Variants in FRMD4B observed in about 807,000 individuals in gnomAD.
FRMD4B encodes the protein FERM domain-containing protein 4B.
A neutral mutation model predicts 141.5 loss-of-function variants in FRMD4B; 74 were observed. The ratio of observed to expected loss-of-function variants is 0.52; its 90% CI spans 0.43 to 0.63. The LOEUF is 0.63. FRMD4B is among the 30% of genes least tolerant of loss of function. The pLI, the probability that FRMD4B is intolerant of heterozygous loss-of-function variation, is 0.00. For synonymous variants in FRMD4B, 506 were observed against 467.9 expected, an observed-to-expected ratio of 1.08 and a Z score of -1.05; for missense variants, 1,366 against 1,253.4, an observed-to-expected ratio of 1.09 and a Z score of -1.36.
chr3:69,282,288 G>T (rs946797175), intron 5 of FRMD4B, among the ~76,000 whole-genome samples: 1 of 152,118 alleles, frequency 6.6e-6, no homozygotes. Flanking sequence ...ATGTGTGTAG[G>T]GTGTGATCAG....
intron 1 of FRMD4B, among the ~76,000 whole-genome samples, chr3:69,355,625 G>A (rs1312559486): frequency 6.6e-6 from 1 of 152,136 alleles, no homozygotes; most frequent in Non-Finnish European, 1.5e-5. Context: ...AGGAGGCCAG[G>A]GCAGCTTGAG....
chr3:69,246,275 G>A (rs925517320), intron 7 of FRMD4B, among the ~76,000 whole-genome samples: 1 of 152,104 alleles, frequency 6.6e-6, no homozygotes, highest in Non-Finnish European at 1.5e-5. Flanking sequence ...GGGTAACATG[G>A]TGAATCCCTG....
At chr3:69,475,069 C>G (rs1705961492) in intron 1 of FRMD4B, among the ~76,000 whole-genome samples, 1 of 152,122 alleles carries the variant, frequency 6.6e-6, no homozygotes, top group Non-Finnish European at 1.5e-5. Flanking sequence ...GCCCTTACCT[C>G]TTAGGGCCAC....
intron 10 of FRMD4B, among the ~76,000 whole-genome samples, chr3:69,217,944 C>A (rs572171395): frequency 6.6e-6 from 1 of 152,216 alleles, no homozygotes; most frequent in African/African-American, 2.4e-5. Flanking sequence ...ATGTAATACA[C>A]TGATTAAAAC....
chr3:69,362,044 G>T (rs765589237), intron 1 of FRMD4B, among the ~76,000 whole-genome samples: 3 of 152,160 alleles, frequency 2.0e-5, no homozygotes, highest in Non-Finnish European at 2.9e-5. Flanking sequence ...TTATTTTAGT[G>T]ACTGTGAAGT....
At chr3:69,408,197 CA>C (rs1704684664) in intron 2 of FRMD4B, among the ~76,000 whole-genome samples, 1 of 152,230 alleles carries the variant, frequency 6.6e-6, no homozygotes, top group African/African-American at 2.4e-5. Flanking sequence ...AAGGTGAAAT[CA>C]GGGGAAAATT....
At chr3:69,381,343 G>C (rs1222848643) in intron 1 of FRMD4B, among the ~76,000 whole-genome samples, 4 of 152,162 alleles carry the variant, frequency 2.6e-5, no homozygotes, top group Non-Finnish European at 4.4e-5. Context: ...CTTATGAATA[G>C]GTGGGAGATC....
At chr3:69,357,029 C>A (rs979444049) in intron 1 of FRMD4B, among the ~76,000 whole-genome samples, 18 of 152,124 alleles carry the variant, frequency 1.2e-4, no homozygotes, top group Admixed American at 5.2e-4. Context: ...GAATCTGACA[C>A]CATTAGTCCA....
intron 1 of FRMD4B, among the ~76,000 whole-genome samples, chr3:69,446,315 C>T (rs775230278): frequency 2.6e-5 from 4 of 151,400 alleles, no homozygotes; most frequent in Admixed American, 2.0e-4. Context: ...CGTGAGCCAC[C>T]GTGACTAGCC....
chr3:69,187,680 A>G, intron 19 of FRMD4B, 90 bp downstream of exon 19: 1 of 1,193,316 alleles, frequency 8.4e-7, no homozygotes, highest in Non-Finnish European at 1.2e-6. Flanking sequence ...AAATAAAAAC[A>G]TGTGAAAATG....
At chr3:69,453,629 A>C (rs1373938717) in intron 1 of FRMD4B, among the ~76,000 whole-genome samples, 2 of 152,300 alleles carry the variant, frequency 1.3e-5, no homozygotes, top group East Asian at 3.9e-4. Context: ...CCCAGTAGAA[A>C]ACCAATCTCA....
chr3:69,497,549 A>G (rs1245922909), intron 1 of FRMD4B, among the ~76,000 whole-genome samples: 3 of 152,126 alleles, frequency 2.0e-5, no homozygotes, highest in Non-Finnish European at 1.5e-5. Context: ...TGAACTTACG[A>G]GTCTCAATAT....
intron 1 of FRMD4B, among the ~76,000 whole-genome samples, chr3:69,508,177 T>C (rs1385923241): frequency 1.3e-5 from 2 of 152,244 alleles, no homozygotes; most frequent in Non-Finnish European, 2.9e-5. Context: ...CTCTTCTTTT[T>C]TGTTTCCTGA....
chr3:69,504,997 A>G (rs1268897861), intron 1 of FRMD4B, among the ~76,000 whole-genome samples: 2 of 152,116 alleles, frequency 1.3e-5, no homozygotes, highest in East Asian at 3.9e-4. Context: ...GCAATTTTTA[A>G]TCTTCTAAAG....
chr3:69,187,952 T>A, intron 18 of FRMD4B, 35 bp from the exon 19 acceptor site: 1 of 1,203,074 alleles, frequency 8.3e-7, no homozygotes, highest in Non-Finnish European at 1.2e-6. Context: ...AAAAAATAAG[T>A]AGGCAAATTA....
chr3:69,282,240 G>C (rs2093648134), intron 5 of FRMD4B, among the ~76,000 whole-genome samples: 1 of 152,168 alleles, frequency 6.6e-6, no homozygotes, highest in Non-Finnish European at 1.5e-5. Context: ...TGGAAGGAAG[G>C]AAGTAGCTGT....
At chr3:69,206,545 T>G (rs1296306468) in intron 11 of FRMD4B, among the ~76,000 whole-genome samples, 1 of 152,178 alleles carries the variant, frequency 6.6e-6, no homozygotes, top group Non-Finnish European at 1.5e-5. Flanking sequence ...CCAGAGCTGA[T>G]GTAATGACAT....
chr3:69,430,763 T>C (rs146624039), intron 2 of FRMD4B, among the ~76,000 whole-genome samples: 49 of 152,342 alleles, frequency 3.2e-4, no homozygotes, highest in African/African-American at 1.1e-3. Context: ...TCTGCCCTCA[T>C]TGCGTATCTG....
At chr3:69,516,593 C>T (rs1022611644) in intron 1 of FRMD4B, among the ~76,000 whole-genome samples, 3 of 152,148 alleles carry the variant, frequency 2.0e-5, no homozygotes, top group Non-Finnish European at 2.9e-5. Context: ...TGAAACCTGG[C>T]AAGGACTTCT....
Sources: allele counts gnomAD v4.1 joint callset (sites outside exome capture counted in the v4.1 genomes callset), GRCh38; gene constraint gnomAD v4.1.1; transcripts MANE v1.5; gene names NCBI Gene and HGNC (gene_info 2026-07-23, HGNC 2026-07-21).